The following AEBP2 variants were observed in gnomAD, a reference collection of about 807,000 sequenced individuals.
AEBP2 encodes AE binding protein 2, also known as zinc finger protein AEBP2.
AEBP2 carries 10 observed loss-of-function variants against 50.8 expected under a neutral mutation model. The ratio of observed to expected loss-of-function variants is 0.20; its 90% CI spans 0.12 to 0.33. The LOEUF is 0.33. AEBP2 is among the 10% of genes least tolerant of loss of function. The probability of loss-of-function intolerance (pLI) is 1.00; values close to 1 mark genes in which losing one functional copy is unlikely to be tolerated. For synonymous variants in AEBP2, 296 were observed against 261.3 expected (o/e 1.13, Z -1.28); for missense variants, 570 against 688.0 (o/e 0.83, Z 1.92).
intron 1 of AEBP2, chr12:19,440,692 G>C: frequency 6.5e-7 from 1 of 1,533,428 alleles, no homozygotes; most frequent in Non-Finnish European, 8.7e-7. Flanking sequence ...TGGCGGAGCA[G>C]AAGAGGGCCT....
intron 1 of AEBP2, among the ~76,000 whole-genome samples, chr12:19,445,159 G>A (rs1193165505): frequency 6.6e-6 from 1 of 151,756 alleles, no homozygotes; most frequent in Non-Finnish European, 1.5e-5. Context: ...TGTGTGATGG[G>A]TATATTCTAC....
intron 1 of AEBP2, among the ~76,000 whole-genome samples, chr12:19,416,863 T>C (rs2095742866): frequency 8.7e-6 from 1 of 115,570 alleles, no homozygotes; most frequent in Non-Finnish European, 1.7e-5. Flanking sequence ...ATCTTTTCTG[T>C]TCTTTTCTTT....
At chr12:19,455,499 T>C (rs912485534) in intron 1 of AEBP2, among the ~76,000 whole-genome samples, 1 of 152,184 alleles carries the variant, frequency 6.6e-6, no homozygotes, top group African/African-American at 2.4e-5. Context: ...CCTATGCTCA[T>C]GCACCTTGTC....
rs552180926 is a variant in AEBP2, at chr12:19,475,027, G to A, written c.987+1672G>A. Reference sequence around the variant, plus strand: ...AGGCTGGTCTTGGACTCTTGACCTCGTGATCTGCCCACCTTGGCCTCCCAA... The same window carrying A: ...AGGCTGGTCTTGGACTCTTGACCTCATGATCTGCCCACCTTGGCCTCCCAA... On this transcript the variant is annotated intron_variant, in intron 3 of 7. Transcript: ENST00000266508. Among the ~76,000 whole-genome samples, 592 of 152,224 alleles carry A rather than the reference G, an allele frequency of 3.9e-3. 4 individuals are homozygous for A. The highest frequency in any genetic ancestry group is 0.014 in the African/African-American group (563 of 41,548).
In AEBP2 at chr12:19,522,210, A is replaced by C. The variant is rs879325589; in HGVS notation, c.*4093A>C. 6.6e-6 allele frequency: 1 copy of C among 152,132 alleles called. No individual in the cohort carries two copies. Among genetic ancestry groups the C allele is most frequent in the Non-Finnish European group, 1.5e-5 (1 of 68,016 alleles). 9.4% of individuals were successfully genotyped at this position (152,132 alleles called of 1,614,324 possible). A position where few individuals can be genotyped will look rare whatever the true frequency, so the allele number is the denominator to read the frequency against. Reference sequence around the variant, plus strand: ...GTGTACGTAGTTTGTTTTTAAATTAAAGAATCTTGTGACCTGGTGTAGGAC... The same window carrying C: ...GTGTACGTAGTTTGTTTTTAAATTACAGAATCTTGTGACCTGGTGTAGGAC... On this transcript the variant is annotated 3_prime_UTR_variant, in exon 8 of 8. Coordinates refer to ENST00000266508, the MANE Select transcript of AEBP2 (RefSeq NM_153207.5).
At chr12:19,453,572 C>T (rs370609252) in intron 1 of AEBP2, among the ~76,000 whole-genome samples, 8 of 151,826 alleles carry the variant, frequency 5.3e-5, no homozygotes, top group African/African-American at 1.2e-4. Flanking sequence ...TACAGGCACG[C>T]GACACCATGC....
At position 19,518,222 on chromosome 12, in the gene AEBP2, T is replaced by C. The variant is rs1042203422; in HGVS notation, c.*105T>C. 5.0e-5 allele frequency: 58 copies of C among 1,163,502 alleles called. No individual in the cohort carries two copies. The highest frequency in any genetic ancestry group is 6.5e-5 in the South Asian group (3 of 46,172). 72.1% of individuals were successfully genotyped at this position (1,163,502 alleles called of 1,614,324 possible). ...GCACATTAGAGTCAACCCCTTCTTT[T>C]TTTTTTTTTTTTTTTTAAATCCAGT... On this transcript the variant is annotated 3_prime_UTR_variant, in exon 8 of 8. Transcript: ENST00000266508.
At chr12:19,427,592 A>C (rs952062074) in intron 1 of AEBP2, among the ~76,000 whole-genome samples, 1 of 150,914 alleles carries the variant, frequency 6.6e-6, no homozygotes, top group Non-Finnish European at 1.5e-5. Flanking sequence ...CTGGACTTCT[A>C]TGAGCGAATT....
chr12:19,480,401 T>G (rs1948709114), intron 3 of AEBP2, among the ~76,000 whole-genome samples: 1 of 152,168 alleles, frequency 6.6e-6, no homozygotes, highest in Non-Finnish European at 1.5e-5. Flanking sequence ...CACTGCGCCC[T>G]GCCAAGGAGG....
intron 3 of AEBP2, among the ~76,000 whole-genome samples, chr12:19,478,056 C>G (rs1263745496): frequency 1.3e-5 from 2 of 152,132 alleles, no homozygotes; most frequent in Non-Finnish European, 2.9e-5. Context: ...TCTAATTGGG[C>G]TTATTTAGAT....
chr12:19,464,650 G>A (rs1170090733), intron 2 of AEBP2, among the ~76,000 whole-genome samples: 2 of 150,220 alleles, frequency 1.3e-5, no homozygotes, highest in South Asian at 2.1e-4. Flanking sequence ...GTAATGGTGC[G>A]GTCTCAGCTC....
chr12:19,424,047 G>A (rs2095747228), intron 1 of AEBP2, among the ~76,000 whole-genome samples: 1 of 152,186 alleles, frequency 6.6e-6, no homozygotes, highest in Non-Finnish European at 1.5e-5. Flanking sequence ...AGCATCATGA[G>A]AATGGATGTT....
At chr12:19,427,371 CTG>C (rs2095749085) in intron 1 of AEBP2, among the ~76,000 whole-genome samples, 1 of 111,414 alleles carries the variant, frequency 9.0e-6, no homozygotes, top group Non-Finnish European at 1.7e-5. Flanking sequence ...CATAGTGAGT[CTG>C]TCTCAAAAAA....
intron 2 of AEBP2, among the ~76,000 whole-genome samples, chr12:19,466,352 G>A (rs1275397109): frequency 2.6e-5 from 4 of 152,004 alleles, no homozygotes; most frequent in Non-Finnish European, 4.4e-5. Flanking sequence ...GCCACTCCGG[G>A]GGATGAGGTG....
At chr12:19,464,879 C>T (rs902792256) in intron 2 of AEBP2, among the ~76,000 whole-genome samples, 6 of 151,890 alleles carry the variant, frequency 4.0e-5, no homozygotes, top group African/African-American at 1.2e-4. Context: ...TGTGAGCCAT[C>T]GCACCCGGCC....
upstream of AEBP2, among the ~76,000 whole-genome samples, chr12:19,437,746 T>C (rs1290350718): frequency 6.6e-6 from 1 of 152,230 alleles, no homozygotes; most frequent in Non-Finnish European, 1.5e-5. Context: ...ATACCTTACA[T>C]TGTATGTGCC....
intron 1 of AEBP2, among the ~76,000 whole-genome samples, chr12:19,454,183 G>A (rs372712861): frequency 2.9e-4 from 44 of 152,244 alleles, no homozygotes; most frequent in East Asian, 1.7e-3. Context: ...GAGCAACTGC[G>A]CTGACCACAT....
chr12:19,453,857 C>T (rs569532788), intron 1 of AEBP2, among the ~76,000 whole-genome samples: 3 of 151,304 alleles, frequency 2.0e-5, no homozygotes, highest in East Asian at 2.0e-4. Flanking sequence ...GCGGTGGAGG[C>T]GGGATCACAG....
At chr12:19,489,941 C>T (rs1165714653) in intron 3 of AEBP2, among the ~76,000 whole-genome samples, 1 of 133,092 alleles carries the variant, frequency 7.5e-6, no homozygotes, top group Non-Finnish European at 1.6e-5. Context: ...TTAGAATTCT[C>T]ATTACTGGTT....
Sources: allele counts gnomAD v4.1 joint callset (sites outside exome capture counted in the v4.1 genomes callset), GRCh38; gene constraint gnomAD v4.1.1; transcripts MANE v1.5; gene names NCBI Gene and HGNC (gene_info 2026-07-23, HGNC 2026-07-21).